The following SLC1A6 variants were observed in gnomAD, a reference collection of about 807,000 sequenced individuals.
SLC1A6 encodes solute carrier family 1 member 6, also known as excitatory amino acid transporter 4.
Under a neutral mutation model 42.1 loss-of-function variants are expected in SLC1A6, and 15 were observed. The ratio of observed to expected loss-of-function variants is 0.36; its 90% CI spans 0.24 to 0.55. The LOEUF (loss-of-function observed/expected upper bound fraction) is 0.55. Among genes scored for constraint, SLC1A6 ranks in the 20% least tolerant of loss-of-function variants. The pLI, the probability that SLC1A6 is intolerant of heterozygous loss-of-function variation, is 0.88. For synonymous variants in SLC1A6, 317 were observed against 319.7 expected, an observed-to-expected ratio of 0.99 and a Z score of 0.09; for missense variants, 542 against 772.5, an observed-to-expected ratio of 0.70 and a Z score of 3.54.
At chr19:14,971,202 G>C (rs753166368) in intron 3 of SLC1A6, among the ~76,000 whole-genome samples, 1 of 152,128 alleles carries the variant, frequency 6.6e-6, no homozygotes, top group Admixed American at 6.5e-5. Context: ...CACCCAAATT[G>C]TTCAAGGGTC....
intron 6 of SLC1A6, 41 bp downstream of exon 6, chr19:14,961,961 G>T (rs752179885): frequency 6.4e-7 from 1 of 1,566,466 alleles, no homozygotes; most frequent in Non-Finnish European, 8.7e-7. Context: ...TGACTTCCCA[G>T]CTCTGGCTCC....
intron 1 of SLC1A6, among the ~76,000 whole-genome samples, chr19:15,003,673 AAGAAAG>A (rs2045882938): frequency 1.4e-5 from 2 of 144,316 alleles, no homozygotes; most frequent in Admixed American, 7.0e-5. Flanking sequence ...AAAAAAAAAA[AAGAAAG>A]AAAAGAAAAG....
intron 6 of SLC1A6, among the ~76,000 whole-genome samples, chr19:14,959,553 A>G (rs1333000731): frequency 6.6e-6 from 1 of 152,236 alleles, no homozygotes; most frequent in Non-Finnish European, 1.5e-5. Context: ...TTCTAAATAA[A>G]CATTTTACAT....
upstream of SLC1A6, among the ~76,000 whole-genome samples, chr19:14,982,080 A>G (rs2045771180): frequency 6.6e-6 from 1 of 152,104 alleles, no homozygotes. Flanking sequence ...TAAAATTTAA[A>G]AATGAGAAAA....
chr19:14,993,208 T>C (rs940694768), intron 1 of SLC1A6, among the ~76,000 whole-genome samples: 2 of 152,194 alleles, frequency 1.3e-5, no homozygotes, highest in African/African-American at 4.8e-5. Context: ...TCTGCACTTA[T>C]ATTTATATAA....
chr19:14,990,833 T>C (rs2045816669), intron 1 of SLC1A6, among the ~76,000 whole-genome samples: 2 of 150,056 alleles, frequency 1.3e-5, no homozygotes, highest in South Asian at 4.2e-4. Context: ...TTGTACAACA[T>C]GGTGACTCTA....
At chr19:14,960,410 T>A (rs1271869734) in intron 6 of SLC1A6, among the ~76,000 whole-genome samples, 1 of 152,160 alleles carries the variant, frequency 6.6e-6, no homozygotes, top group Non-Finnish European at 1.5e-5. Context: ...AATGAATACA[T>A]GAGTGAGTTA....
chr19:14,971,667 C>G, intron 3 of SLC1A6, 70 bp downstream of exon 3: 1 of 1,505,394 alleles, frequency 6.6e-7, no homozygotes, highest in South Asian at 1.2e-5. Context: ...CTTGGGATGG[C>G]CTTGGCTCTG....
chr19:14,972,709 T>C lies in SLC1A6; in HGVS notation c.202A>G (p.Ile68Val), dbSNP rs751345541. 2.5e-6 allele frequency: 4 copies of C among 1,613,692 alleles called. No homozygotes were observed. Among genetic ancestry groups the C allele is most frequent in the East Asian group, 2.2e-5 (1 of 44,868 alleles). Residue 68 changes from isoleucine to valine, a missense_variant, in exon 2 of 10, where the codon ATT becomes GTT. Physicochemically the swap from Ile to Val is conservative, Grantham distance 29. Transcript: ENST00000594383. ...FILLTVSAVV[I>V]GVSLAFALRP... ...CCCTCCAAGAGGCAGAGCTCACCAA[T>C]GACCACGGCGCTGACCGTCAGCAGA...
chr19:15,008,148 A>T (rs2045905616), intron 1 of SLC1A6, among the ~76,000 whole-genome samples: 1 of 152,088 alleles, frequency 6.6e-6, no homozygotes, highest in East Asian at 1.9e-4. Context: ...GTCTGAGACC[A>T]GCCTGGGCAA....
chr19:14,989,853 G>A (rs975875948), intron 1 of SLC1A6, among the ~76,000 whole-genome samples: 8 of 151,648 alleles, frequency 5.3e-5, no homozygotes, highest in African/African-American at 1.5e-4. Context: ...TCAGCGTGGC[G>A]TGGTGGTGCG....
At chr19:14,951,078 CAA>C (rs59828742) in intron 9 of SLC1A6, among the ~76,000 whole-genome samples, 5 of 79,806 alleles carry the variant, frequency 6.3e-5, no homozygotes, top group African/African-American at 2.5e-4. Flanking sequence ...ACTAAAAATA[CAA>C]AAAAAAAAAA....
At chr19:14,954,523 G>T (rs1035002080) in intron 7 of SLC1A6, among the ~76,000 whole-genome samples, 194 bp from the exon 8 acceptor site, 1 of 152,066 alleles carries the variant, frequency 6.6e-6, no homozygotes, top group African/African-American at 2.4e-5. Flanking sequence ...GAGAACAGGG[G>T]AGGAGTAGGT....
chr19:14,985,364 G>C (rs915941525), intron 1 of SLC1A6, among the ~76,000 whole-genome samples: 1 of 152,156 alleles, frequency 6.6e-6, no homozygotes, highest in Non-Finnish European at 1.5e-5. Context: ...TTTGGTCACG[G>C]GGGTGGATTT....
chr19:14,964,657 G>T (rs562769471), intron 4 of SLC1A6, among the ~76,000 whole-genome samples: 19 of 152,250 alleles, frequency 1.2e-4, no homozygotes, highest in African/African-American at 4.3e-4. Context: ...CTCAAATCCA[G>T]GTCTGTCTGA....
intron 1 of SLC1A6, among the ~76,000 whole-genome samples, chr19:14,978,677 ACACT>A (rs1214124324): frequency 6.6e-6 from 1 of 151,666 alleles, no homozygotes; most frequent in Non-Finnish European, 1.5e-5. Context: ...GCACACAGAC[ACACT>A]CACACATACA....
chr19:14,953,014 C>G lies in SLC1A6; in HGVS notation c.1413G>C (p.Ala471=), dbSNP rs374423866. 6.2e-7 allele frequency: 1 copy of G among 1,614,012 alleles called. No homozygotes were observed. The highest frequency in any genetic ancestry group is 1.1e-5 in the South Asian group (1 of 91,070). ...ASVGAAGIPQ[A]GLVTMVIVLT... ...GCACAATGACCATGGTGACCAGACCCGCCTGGGGGATGCCAGCAGCCCCAA... is the reference window on the plus strand; with the variant it reads ...GCACAATGACCATGGTGACCAGACCGGCCTGGGGGATGCCAGCAGCCCCAA... The change falls in exon 9 of 10, where the codon GCG becomes GCC. Residue 471 remains alanine, a synonymous_variant. Transcript: ENST00000594383.
intron 1 of SLC1A6, among the ~76,000 whole-genome samples, chr19:14,976,293 C>T (rs531487473): frequency 3.9e-5 from 6 of 151,960 alleles, no homozygotes; most frequent in Middle Eastern, 6.8e-3. Flanking sequence ...CACCAATGGA[C>T]GATTAAAGAA....
At chr19:14,955,855 A>G (rs1261714078) in intron 7 of SLC1A6, among the ~76,000 whole-genome samples, 1 of 151,944 alleles carries the variant, frequency 6.6e-6, no homozygotes, top group East Asian at 1.9e-4. Flanking sequence ...GAATCACTTG[A>G]ACCTAAGAGG....
Sources: allele counts gnomAD v4.1 joint callset (sites outside exome capture counted in the v4.1 genomes callset), GRCh38; gene constraint gnomAD v4.1.1; transcripts MANE v1.5; gene names NCBI Gene and HGNC (gene_info 2026-07-23, HGNC 2026-07-21).